CDH13: variants seen among roughly 807,000 people sequenced by gnomAD.
CDH13 encodes the protein cadherin 13, also known as cadherin-13.
A neutral mutation model predicts 63.8 loss-of-function variants in CDH13; 24 were observed. The observed-to-expected ratio is 0.38, with a 90% CI of 0.27 to 0.53. The LOEUF is 0.53. Ranked by LOEUF, CDH13 falls within the 20% of genes least tolerant of loss-of-function variation. CDH13 has a pLI of 0.85. For missense variants in CDH13, 1,049 were observed against 903.1 expected (o/e 1.16, Z -2.07); for synonymous variants, 503 against 355.3 (o/e 1.42, Z -4.67).
chr16:83,477,058 T>G (rs1258966937), intron 6 of CDH13, among the ~76,000 whole-genome samples: 1 of 152,166 alleles, frequency 6.6e-6, no homozygotes, highest in Non-Finnish European at 1.5e-5. Flanking sequence ...TTTGGCCATG[T>G]GTCACCTAAT....
chr16:83,218,093 A>G (rs1567515509), intron 5 of CDH13, among the ~76,000 whole-genome samples: 1 of 152,230 alleles, frequency 6.6e-6, no homozygotes, highest in Non-Finnish European at 1.5e-5. Context: ...TATGTTTAAC[A>G]AAAATGATAA....
intron 7 of CDH13, among the ~76,000 whole-genome samples, chr16:83,522,332 G>A (rs550758170): frequency 6.6e-5 from 10 of 152,208 alleles, no homozygotes; most frequent in South Asian, 2.1e-4. Flanking sequence ...GAGTGTATAC[G>A]TCCATCTTAT....
At chr16:83,516,760 T>C (rs1016221888) in intron 7 of CDH13, among the ~76,000 whole-genome samples, 1 of 152,248 alleles carries the variant, frequency 6.6e-6, no homozygotes, top group African/African-American at 2.4e-5. Context: ...ATGGAATTTA[T>C]AACTTAGTAG....
chr16:83,019,451 C>A (rs760680541), intron 2 of CDH13, among the ~76,000 whole-genome samples: 2 of 151,874 alleles, frequency 1.3e-5, no homozygotes. Flanking sequence ...CTTCTGGATA[C>A]CTCCTGAAGG....
chr16:82,801,169 C>A (rs1404936499), intron 1 of CDH13, among the ~76,000 whole-genome samples: 1 of 152,194 alleles, frequency 6.6e-6, no homozygotes, highest in African/African-American at 2.4e-5. Context: ...CTCTCAGACT[C>A]ACTCTCTGCC....
intron 8 of CDH13, among the ~76,000 whole-genome samples, chr16:83,665,312 C>T (rs764548225): frequency 3.3e-5 from 5 of 152,186 alleles, no homozygotes; most frequent in Non-Finnish European, 7.3e-5. Flanking sequence ...GTAAGAATTT[C>T]ATATGATACA....
At chr16:83,794,406 A>T (rs1646194004) in intron 13 of CDH13, among the ~76,000 whole-genome samples, 1 of 152,126 alleles carries the variant, frequency 6.6e-6, no homozygotes, top group Non-Finnish European at 1.5e-5. Flanking sequence ...TGCAAAAATT[A>T]GCCAGGCATG....
intron 6 of CDH13, among the ~76,000 whole-genome samples, chr16:83,392,077 A>G (rs1163299835): frequency 6.6e-6 from 1 of 152,074 alleles, no homozygotes; most frequent in Non-Finnish European, 1.5e-5. Flanking sequence ...TTATTGTGAC[A>G]CTCAAAAATC....
At chr16:82,979,975 C>G (rs547884447) in intron 2 of CDH13, among the ~76,000 whole-genome samples, 1 of 152,116 alleles carries the variant, frequency 6.6e-6, no homozygotes, top group African/African-American at 2.4e-5. Flanking sequence ...AGATGACTCA[C>G]TGAAATTTAA....
At chr16:83,588,411 A>C (rs74035208) in intron 7 of CDH13, among the ~76,000 whole-genome samples, 6,736 of 152,252 alleles carry the variant, frequency 0.044, 490 homozygotes, top group African/African-American at 0.15. Context: ...ACTGAGAGTG[A>C]CTGAGAGTGA....
At chr16:83,720,866 C>G (rs1909602554) in intron 10 of CDH13, among the ~76,000 whole-genome samples, 1 of 152,206 alleles carries the variant, frequency 6.6e-6, no homozygotes, top group Non-Finnish European at 1.5e-5. Flanking sequence ...AATTTTCTCC[C>G]TGGCACAACC....
chr16:82,805,779 C>T (rs531810456), intron 1 of CDH13, among the ~76,000 whole-genome samples: 131 of 152,192 alleles, frequency 8.6e-4, no homozygotes, highest in Non-Finnish European at 1.5e-3. Context: ...CATGGCTTTG[C>T]CAGTCTGTTG....
chr16:82,879,675 A>G (rs2040625558), intron 2 of CDH13, among the ~76,000 whole-genome samples: 1 of 139,248 alleles, frequency 7.2e-6, no homozygotes, highest in African/African-American at 2.6e-5. Context: ...ATTTTACATA[A>G]ATTATAATAT....
At chr16:83,515,226 CT>C (rs1375388022) in intron 7 of CDH13, among the ~76,000 whole-genome samples, 4 of 152,118 alleles carry the variant, frequency 2.6e-5, no homozygotes, top group Non-Finnish European at 1.5e-5. Context: ...GATTGGATTC[CT>C]TTTAAGGTCT....
At chr16:83,102,053 A>C (rs559479707) in intron 3 of CDH13, among the ~76,000 whole-genome samples, 1 of 152,284 alleles carries the variant, frequency 6.6e-6, no homozygotes, top group Non-Finnish European at 1.5e-5. Flanking sequence ...AGAGGGAGGT[A>C]ATGTGTCAGA....
At chr16:83,529,130 G>T (rs1046050018) in intron 7 of CDH13, among the ~76,000 whole-genome samples, 1 of 148,634 alleles carries the variant, frequency 6.7e-6, no homozygotes. Flanking sequence ...AGATCTAGGC[G>T]AGCTTGCTTC....
chr16:83,426,144 A>G (rs17215566), intron 6 of CDH13, among the ~76,000 whole-genome samples: 19,106 of 151,964 alleles, frequency 0.13, 1,615 homozygotes, highest in Non-Finnish European at 0.18. Flanking sequence ...TCTTTCATCC[A>G]TTCCTTCTCT....
intron 5 of CDH13, among the ~76,000 whole-genome samples, chr16:83,265,307 C>G (rs1010081911): frequency 6.6e-6 from 1 of 152,148 alleles, no homozygotes; most frequent in Non-Finnish European, 1.5e-5. Flanking sequence ...CTTTTTCCTT[C>G]CTGGTTAACC....
At chr16:83,227,829 G>A (rs552536764) in intron 5 of CDH13, among the ~76,000 whole-genome samples, 13 of 152,292 alleles carry the variant, frequency 8.5e-5, no homozygotes, top group East Asian at 3.9e-4. Flanking sequence ...CCTGGGGGCC[G>A]ATTCATTCAA....
Sources: allele counts gnomAD v4.1 joint callset (sites outside exome capture counted in the v4.1 genomes callset), GRCh38; gene constraint gnomAD v4.1.1; transcripts MANE v1.5; gene names NCBI Gene and HGNC (gene_info 2026-07-23, HGNC 2026-07-21).